Variants in MICAL3 observed in about 807,000 individuals in gnomAD.
MICAL3 encodes [F-actin]-monooxygenase MICAL3.
A neutral mutation model predicts 207.4 loss-of-function variants in MICAL3; 62 were observed. The observed-to-expected ratio is 0.30, with a 90% CI of 0.24 to 0.37. The LOEUF is 0.37. Ranked by LOEUF, MICAL3 falls within the 10% of genes least tolerant of loss-of-function variation. The probability of loss-of-function intolerance (pLI) is 1.00; values close to 1 mark genes in which losing one functional copy is unlikely to be tolerated. For missense variants in MICAL3, 2,368 were observed against 2,635.6 expected (o/e 0.90, Z 2.22); for synonymous variants, 1,077 against 1,069.3 (o/e 1.01, Z -0.14).
chr22:17,848,180 G>A (rs1007201018), intron 19 of MICAL3, among the ~76,000 whole-genome samples: 3 of 152,216 alleles, frequency 2.0e-5, no homozygotes, highest in East Asian at 1.9e-4. Flanking sequence ...AGTGACGTTC[G>A]TGCTGCCTGA....
intron 1 of MICAL3, among the ~76,000 whole-genome samples, chr22:17,927,154 A>G (rs1932960933): frequency 6.6e-6 from 1 of 152,192 alleles, no homozygotes; most frequent in African/African-American, 2.4e-5. Context: ...TGTCTATTCC[A>G]GGTACCTCAT....
At position 17,979,794 on chromosome 22, in the gene MICAL3, C is replaced by A. The variant is rs199980067; in HGVS notation, c.-75+44487G>T. 5.6e-4 allele frequency among the ~76,000 whole-genome samples: 71 copies of A among 126,572 alleles called. No homozygotes were observed. The East Asian group carries it at 5.7e-3, about 10-fold the overall frequency. 83.0% of individuals were successfully genotyped at this position (126,572 alleles called of 152,430 possible). A position where few individuals can be genotyped will look rare whatever the true frequency, so the allele number is the denominator to read the frequency against. On this transcript the variant is annotated intron_variant, in intron 1 of 31. Coordinates refer to ENST00000441493, the MANE Select transcript of MICAL3 (RefSeq NM_015241.3). ...GTGGATTTAAAAAAACAAAAAAAAA[C>A]AAAAAAAAAACCCACAGGTTTTTTT...
intron 16 of MICAL3, among the ~76,000 whole-genome samples, chr22:17,877,728 A>T (rs1272943830): frequency 6.6e-6 from 1 of 152,060 alleles, no homozygotes; most frequent in Non-Finnish European, 1.5e-5. Flanking sequence ...CATCTCTGCA[A>T]GCCTTATTGC....
intron 19 of MICAL3, 111 bp from the exon 20 acceptor site, chr22:17,842,128 A>G: frequency 1.9e-6 from 2 of 1,060,286 alleles, no homozygotes; most frequent in South Asian, 3.0e-5. Context: ...GGGGCAGGAC[A>G]AAGGTCAGAG....
At chr22:17,980,843 G>A (rs1232608542) in intron 1 of MICAL3, 8 of 516,076 alleles carry the variant, frequency 1.6e-5, no homozygotes, top group South Asian at 5.6e-5. Context: ...GTGCTGGCCC[G>A]TCACCCTCAG....
chr22:17,913,901 C>T (rs1234644623), intron 1 of MICAL3, among the ~76,000 whole-genome samples: 2 of 152,156 alleles, frequency 1.3e-5, no homozygotes, highest in Non-Finnish European at 2.9e-5. Flanking sequence ...ATGACGTCAA[C>T]TCACGTTCAA....
At chr22:17,941,388 C>T (rs932233578) in intron 1 of MICAL3, among the ~76,000 whole-genome samples, 1 of 152,216 alleles carries the variant, frequency 6.6e-6, no homozygotes, top group Non-Finnish European at 1.5e-5. Context: ...GAGCACATCC[C>T]CATTCTCAGC....
chr22:18,013,720 A>C (rs1446004786), intron 1 of MICAL3, among the ~76,000 whole-genome samples: 1 of 152,178 alleles, frequency 6.6e-6, no homozygotes, highest in East Asian at 1.9e-4. Flanking sequence ...CTGCATAGTA[A>C]ATTAAAGCAA....
intron 16 of MICAL3, among the ~76,000 whole-genome samples, chr22:17,879,637 G>A (rs1408919186): frequency 6.6e-6 from 1 of 152,158 alleles, no homozygotes; most frequent in Non-Finnish European, 1.5e-5. Flanking sequence ...CAGCTACACG[G>A]ATCAATGAAG....
intron 1 of MICAL3, among the ~76,000 whole-genome samples, chr22:18,023,731 A>C (rs930436684): frequency 2.6e-5 from 4 of 152,148 alleles, no homozygotes; most frequent in Non-Finnish European, 5.9e-5. Flanking sequence ...CGTGTGCGCC[A>C]CTGGTCCTGG....
chr22:17,976,779 G>A (rs1229858111), intron 1 of MICAL3, among the ~76,000 whole-genome samples: 1 of 147,398 alleles, frequency 6.8e-6, no homozygotes, highest in Non-Finnish European at 1.5e-5. Context: ...TTATGGGACT[G>A]TTACAGACTA....
At chr22:17,827,926 C>T (rs975246313) in intron 21 of MICAL3, 145 bp from the exon 22 acceptor site, 10 of 671,740 alleles carry the variant, frequency 1.5e-5, no homozygotes, top group Admixed American at 2.8e-5. Flanking sequence ...AACATGTATG[C>T]ACATGTATAC....
chr22:17,878,426 G>A (rs1323206543), intron 16 of MICAL3, among the ~76,000 whole-genome samples: 2 of 152,196 alleles, frequency 1.3e-5, no homozygotes, highest in Non-Finnish European at 2.9e-5. Context: ...CTCCGACCCA[G>A]CACCAGGTTC....
At chr22:17,967,874 G>GTC (rs58999539) in intron 1 of MICAL3, among the ~76,000 whole-genome samples, 150,592 of 152,174 alleles carry the variant, frequency 0.99, 74,520 homozygotes, top group East Asian at 1. Context: ...GTGAAACCCT[G>GTC]TCTACTAAAA....
At chr22:17,957,579 C>A (rs750911489) in intron 1 of MICAL3, among the ~76,000 whole-genome samples, 1 of 151,822 alleles carries the variant, frequency 6.6e-6, no homozygotes, top group African/African-American at 2.4e-5. Context: ...GGCATGGTCG[C>A]GTGCGCCTGT....
chr22:17,995,900 C>A (rs1213399058), intron 1 of MICAL3, among the ~76,000 whole-genome samples: 1 of 152,030 alleles, frequency 6.6e-6, no homozygotes, highest in South Asian at 2.1e-4. Flanking sequence ...GTGGCTCACA[C>A]CTGTAATCCC....
intron 1 of MICAL3, among the ~76,000 whole-genome samples, chr22:17,990,944 T>C (rs1358954954): frequency 6.6e-6 from 1 of 152,240 alleles, no homozygotes; most frequent in Non-Finnish European, 1.5e-5. Flanking sequence ...TTTTCTTGCC[T>C]GCCTGTGCCT....
At chr22:17,885,558 G>A (rs911787030) in intron 16 of MICAL3, among the ~76,000 whole-genome samples, 1 of 152,196 alleles carries the variant, frequency 6.6e-6, no homozygotes, top group African/African-American at 2.4e-5. Flanking sequence ...TCCTCAGTAA[G>A]TGTGTACTTC....
rs1248868593 is a variant in MICAL3 at position 17,900,733 on chromosome 22, C to T, written c.847+109G>A. 4.8e-6 allele frequency: 4 copies of T among 835,624 alleles called. No individual in the cohort carries two copies. The highest frequency in any genetic ancestry group is 7.6e-6 in the Non-Finnish European group (4 of 523,480). 51.8% of individuals were successfully genotyped at this position (835,624 alleles called of 1,614,324 possible). A position where few individuals can be genotyped will look rare whatever the true frequency, so the allele number is the denominator to read the frequency against. On this transcript the variant is annotated intron_variant, in intron 6 of 31. Coordinates refer to ENST00000441493, the MANE Select transcript of MICAL3 (RefSeq NM_015241.3). This position sits in a 1 kb window ranked among gnomAD's most constrained non-coding sequence, Gnocchi z 4.0. Reference sequence around the variant, plus strand: ...GAGTGAAAAGAGCAGGAGGGGCAGACAGTGCAGGAGGGACACCGACGGCCA... The same window carrying T: ...GAGTGAAAAGAGCAGGAGGGGCAGATAGTGCAGGAGGGACACCGACGGCCA...
Sources: allele counts gnomAD v4.1 joint callset (sites outside exome capture counted in the v4.1 genomes callset), GRCh38; gene constraint gnomAD v4.1.1; non-coding constraint Gnocchi (gnomAD v3.1); transcripts MANE v1.5; gene names NCBI Gene and HGNC (gene_info 2026-07-23, HGNC 2026-07-21).